Variants in ADGRL3 observed in about 807,000 individuals in gnomAD.
The protein encoded by ADGRL3 is calcium-independent alpha-latrotoxin receptor 3.
Under a neutral mutation model 153.5 loss-of-function variants are expected in ADGRL3, and 62 were observed. The ratio of observed to expected loss-of-function variants is 0.40; its 90% CI spans 0.33 to 0.50. The LOEUF (loss-of-function observed/expected upper bound fraction) is 0.50. Ranked by LOEUF, ADGRL3 falls within the 20% of genes least tolerant of loss-of-function variation. The pLI, the probability that ADGRL3 is intolerant of heterozygous loss-of-function variation, is 0.47. For missense variants in ADGRL3, 1,641 were observed against 1,859.4 expected (o/e 0.88, Z 2.16); for synonymous variants, 710 against 672.5 (o/e 1.06, Z -0.86).
chr4:61,306,254 C>T (rs1047489585), intron 1 of ADGRL3, among the ~76,000 whole-genome samples: 4 of 151,902 alleles, frequency 2.6e-5, no homozygotes, highest in East Asian at 1.9e-4. Flanking sequence ...CCCGCCACCA[C>T]GCCCGGCTAA....
At chr4:61,418,570 G>A (rs2097169719) in intron 2 of ADGRL3, among the ~76,000 whole-genome samples, 4 of 150,680 alleles carry the variant, frequency 2.7e-5, no homozygotes, top group South Asian at 2.1e-4. Flanking sequence ...GTCTCACTAA[G>A]AGCTTTGTTC....
chr4:61,750,201 AAAAAAAG>A (rs1420279459), intron 8 of ADGRL3, among the ~76,000 whole-genome samples: 4 of 151,276 alleles, frequency 2.6e-5, no homozygotes, highest in Non-Finnish European at 5.9e-5. Context: ...AAAAAAAAAA[AAAAAAAG>A]GCAGTATTCC....
intron 3 of ADGRL3, among the ~76,000 whole-genome samples, chr4:61,503,911 T>C (rs1311364907): frequency 2.0e-5 from 3 of 152,144 alleles, no homozygotes; most frequent in Non-Finnish European, 4.4e-5. Context: ...TGGAAGGCTA[T>C]TTGCCTGGAG....
At chr4:61,756,242 T>C (rs2096828665) in intron 8 of ADGRL3, among the ~76,000 whole-genome samples, 1 of 152,222 alleles carries the variant, frequency 6.6e-6, no homozygotes. Context: ...TGATTCTTCC[T>C]ACCCATGAGC....
At chr4:61,880,425 T>A (rs1489322865) in intron 9 of ADGRL3, among the ~76,000 whole-genome samples, 1 of 152,184 alleles carries the variant, frequency 6.6e-6, no homozygotes, top group Non-Finnish European at 1.5e-5. Context: ...GTTATAAAAT[T>A]TAGTCTGGAG....
chr4:62,021,469 ATATTAT>A (rs759143181), intron 21 of ADGRL3, among the ~76,000 whole-genome samples: 3 of 152,112 alleles, frequency 2.0e-5, no homozygotes, highest in Admixed American at 6.6e-5. Flanking sequence ...TCATGGAATG[ATATTAT>A]TATTTTATTC....
intron 5 of ADGRL3, among the ~76,000 whole-genome samples, chr4:61,646,777 G>A (rs1400510518): frequency 6.6e-6 from 1 of 152,200 alleles, no homozygotes; most frequent in Non-Finnish European, 1.5e-5. Flanking sequence ...GAGGCAGGCA[G>A]GCCTCCTTGA....
intron 5 of ADGRL3, among the ~76,000 whole-genome samples, chr4:61,648,518 T>A (rs1327067983): frequency 1.6e-5 from 2 of 125,248 alleles, no homozygotes; most frequent in African/African-American, 5.1e-5. Flanking sequence ...CATTAGGAAT[T>A]TTTTTGTTTT....
chr4:61,983,599 A>G lies in ADGRL3; in HGVS notation c.3232A>G (p.Lys1078Glu), dbSNP rs1441253645. ...AGACTACAGGAGTTATGGAACAGAT[A>G]AAGTGTAAGTTTATTGTTTTCTTTC... ...AVDYRSYGTD[K>E]VCWLRLDTYF... Residue 1078 changes from lysine (K) to glutamate (E), a missense_variant, in exon 19 of 27, where the codon AAA (lysine) becomes GAA (glutamate). Physicochemically the swap from Lys to Glu is moderately conservative, Grantham distance 56. Transcript: ENST00000683033. 12 of 1,612,946 alleles carry G rather than the reference A, an allele frequency of 7.4e-6. No homozygotes were observed. The highest frequency in any genetic ancestry group is 1.7e-5 in the Admixed American group (1 of 59,976).
At chr4:61,651,654 C>A (rs2094255955) in intron 5 of ADGRL3, among the ~76,000 whole-genome samples, 1 of 151,756 alleles carries the variant, frequency 6.6e-6, no homozygotes, top group African/African-American at 2.4e-5. Context: ...TGTCACCAGG[C>A]TGGAGTGCAG....
At chr4:61,218,178 G>A (rs1485618376) in intron 1 of ADGRL3, among the ~76,000 whole-genome samples, 3 of 152,180 alleles carry the variant, frequency 2.0e-5, no homozygotes, top group African/African-American at 7.2e-5. Context: ...TGGGCAAAAT[G>A]TTAAGTAAGT....
At position 62,077,404 on chromosome 4, in the gene ADGRL3, T is replaced by G. The variant is rs564762751; in HGVS notation, c.*6496T>G. ...TTCTTGCTACATTGGCAAGGAAATATGTTTAAAGCCGAGAACTAAAATAGC... is the reference window on the plus strand; with the variant it reads ...TTCTTGCTACATTGGCAAGGAAATAGGTTTAAAGCCGAGAACTAAAATAGC... On this transcript the variant is annotated 3_prime_UTR_variant, in exon 27 of 27. Coordinates refer to ENST00000683033, the MANE Select transcript of ADGRL3 (RefSeq NM_001387552.1). 1 of 152,002 alleles carries G rather than the reference T, an allele frequency of 6.6e-6. No individual in the cohort carries two copies. Among genetic ancestry groups the G allele is most frequent in the Non-Finnish European group, 1.5e-5 (1 of 67,904 alleles). 9.4% of individuals were successfully genotyped at this position (152,002 alleles called of 1,614,324 possible). A position where few individuals can be genotyped will look rare whatever the true frequency, so the allele number is the denominator to read the frequency against.
chr4:61,273,235 T>C (rs1442902823), intron 1 of ADGRL3, among the ~76,000 whole-genome samples: 2 of 152,134 alleles, frequency 1.3e-5, no homozygotes, highest in African/African-American at 4.8e-5. Flanking sequence ...CCATGGAAAA[T>C]AATGTTTAAA....
At chr4:61,527,093 CAAG>C (rs1305430509) in intron 4 of ADGRL3, among the ~76,000 whole-genome samples, 1 of 151,738 alleles carries the variant, frequency 6.6e-6, no homozygotes, top group African/African-American at 2.4e-5. Context: ...TTATTTCTGC[CAAG>C]AAGTAAATAC....
At chr4:61,217,011 G>A (rs1029974029) in intron 1 of ADGRL3, among the ~76,000 whole-genome samples, 4 of 152,098 alleles carry the variant, frequency 2.6e-5, no homozygotes, top group Non-Finnish European at 4.4e-5. Flanking sequence ...CTATTTTTCT[G>A]CAGTTCCCAA....
intron 4 of ADGRL3, among the ~76,000 whole-genome samples, chr4:61,582,683 C>T (rs1424558151): frequency 1.3e-5 from 2 of 151,460 alleles, no homozygotes; most frequent in East Asian, 3.9e-4. Context: ...GAAGACTTGG[C>T]CCAGGGAGAG....
intron 8 of ADGRL3, among the ~76,000 whole-genome samples, chr4:61,743,797 T>G (rs925867842): frequency 6.6e-6 from 1 of 152,066 alleles, no homozygotes; most frequent in Admixed American, 6.5e-5. Flanking sequence ...AGAAAACGGG[T>G]GATTTCTGCA....
chr4:61,327,826 T>A (rs1451876958), intron 1 of ADGRL3, among the ~76,000 whole-genome samples: 1 of 152,138 alleles, frequency 6.6e-6, no homozygotes, highest in Non-Finnish European at 1.5e-5. Flanking sequence ...GACATATAAA[T>A]GGAGAAATGG....
At chr4:62,038,172 G>C (rs2151596053) in intron 24 of ADGRL3, among the ~76,000 whole-genome samples, 1 of 152,180 alleles carries the variant, frequency 6.6e-6, no homozygotes, top group Non-Finnish European at 1.5e-5. Flanking sequence ...CATATATATA[G>C]AAATGTGATA....
Sources: gnomAD v4.1 joint callset for allele counts (sites outside exome capture counted in the v4.1 genomes callset) on GRCh38, gnomAD v4.1.1 for gene constraint, MANE v1.5 for transcripts, NCBI Gene and HGNC (gene_info 2026-07-23, HGNC 2026-07-21) for gene names.